MICAL3: variants seen among roughly 807,000 people sequenced by gnomAD.
The protein encoded by MICAL3 is microtubule associated monooxygenase, calponin and LIM domain containing 3, also known as [F-actin]-monooxygenase MICAL3.
Under a neutral mutation model 207.4 loss-of-function variants are expected in MICAL3, and 62 were observed. The ratio of observed to expected loss-of-function variants is 0.30; its 90% CI spans 0.24 to 0.37. MICAL3 has a LOEUF of 0.37. MICAL3 is among the 10% of genes least tolerant of loss of function. The pLI, the probability that MICAL3 is intolerant of heterozygous loss-of-function variation, is 1.00. For missense variants in MICAL3, 2,368 were observed against 2,635.6 expected (o/e 0.90, Z 2.22); for synonymous variants, 1,077 against 1,069.3 (o/e 1.01, Z -0.14).
intron 29 of MICAL3, among the ~76,000 whole-genome samples, chr22:17,794,082 G>A (rs556775825): frequency 6.6e-6 from 1 of 152,218 alleles, no homozygotes; most frequent in African/African-American, 2.4e-5. Context: ...CATCACAGAG[G>A]GGGCGGGGGG....
At chr22:17,875,445 A>G (rs1218828716) in intron 16 of MICAL3, 9 of 1,549,048 alleles carry the variant, frequency 5.8e-6, no homozygotes. Flanking sequence ...AGGCCATGCT[A>G]CCTGTCGGAG....
intron 19 of MICAL3, among the ~76,000 whole-genome samples, chr22:17,847,904 A>G (rs1924809450): frequency 6.6e-6 from 1 of 152,066 alleles, no homozygotes; most frequent in African/African-American, 2.4e-5. Context: ...GGCTCAAACG[A>G]TCCTCCCAGC....
In MICAL3 at chr22:17,895,315, T is replaced by C. The variant is rs762724874; in HGVS notation, c.1418A>G (p.Asn473Ser). The C allele has an allele frequency of 1.2e-6, 2 of 1,613,830 alleles. No individual in the cohort carries two copies. The highest frequency in any genetic ancestry group is 1.7e-6 in the Non-Finnish European group (2 of 1,179,822). Residue 473 changes from asparagine (N) to serine (S), a missense_variant, in exon 10 of 32, where the codon AAT becomes AGT. This residue lies in a region of MICAL3 where 147 missense variants were observed against 137.7 expected (regional missense o/e 1.07). Coordinates refer to ENST00000441493, the MANE Select transcript of MICAL3 (RefSeq NM_015241.3). Reference sequence around the variant, plus strand: ...TGGCCGGAGGAAGTTGACGTTGATATTGGGATACCGAGTGACAGGGTCGAT... The same window carrying C: ...TGGCCGGAGGAAGTTGACGTTGATACTGGGATACCGAGTGACAGGGTCGAT... The part of the protein sequence containing the change: ...YSIDPVTRYP[N>S]INVNFLRPSQ...
chr22:17,815,761 G>A (rs4269007), intron 27 of MICAL3: 1 of 152,320 alleles, frequency 6.6e-6, no homozygotes, highest in African/African-American at 2.4e-5. Context: ...GCGAAATAAA[G>A]CGTCTGGTTT....
chr22:17,809,144 A>C (rs115038347), intron 28 of MICAL3, among the ~76,000 whole-genome samples: 1,778 of 152,292 alleles, frequency 0.012, 32 homozygotes, highest in African/African-American at 0.041. Context: ...GGGCCTTGCT[A>C]GTTAGCATCA....
chr22:17,907,706 T>C (rs1931842979), intron 1 of MICAL3, among the ~76,000 whole-genome samples: 2 of 152,066 alleles, frequency 1.3e-5, no homozygotes, highest in Admixed American at 1.3e-4. Flanking sequence ...GAGAGAAAGA[T>C]GAGCCCTCTT....
At chr22:17,961,496 C>G (rs951554357) in intron 1 of MICAL3, among the ~76,000 whole-genome samples, 2 of 152,050 alleles carry the variant, frequency 1.3e-5, no homozygotes, top group Admixed American at 6.5e-5. Flanking sequence ...TTCCCCCCAC[C>G]CTCTCACCCC....
At position 17,798,033 on chromosome 22, in the gene MICAL3, T is replaced by A. The variant is rs401224; in HGVS notation, c.5651-6732A>T. ...GTCCAGCAGACCAAAAGAGGGCCAA[T>A]GAGGGAGACTTCTAGAGCCCAGAGG... On this transcript the variant is annotated intron_variant, in intron 29 of 31. Coordinates refer to ENST00000441493, the MANE Select transcript of MICAL3 (RefSeq NM_015241.3). Among the ~76,000 whole-genome samples, 1,449 of 152,088 alleles carry A rather than the reference T, an allele frequency of 9.5e-3. 11 individuals are homozygous for A. The highest frequency in any genetic ancestry group is 0.016 in the Non-Finnish European group (1,056 of 67,960).
intron 1 of MICAL3, among the ~76,000 whole-genome samples, chr22:17,919,841 A>G (rs1181507469): frequency 1.3e-5 from 2 of 152,240 alleles, no homozygotes; most frequent in African/African-American, 4.8e-5. Flanking sequence ...CTTTGTTTCA[A>G]TAGCCAAATA....
At chr22:17,854,838 C>T (rs2146110341) in intron 19 of MICAL3, among the ~76,000 whole-genome samples, 1 of 152,358 alleles carries the variant, frequency 6.6e-6, no homozygotes, top group African/African-American at 2.4e-5. Context: ...CACTCACTTT[C>T]TCCTGGCTGG....
At chr22:17,875,724 G>A (rs563368504) in intron 16 of MICAL3, among the ~76,000 whole-genome samples, 9 of 147,662 alleles carry the variant, frequency 6.1e-5, no homozygotes, top group Admixed American at 2.7e-4. Context: ...AAGCATAAGC[G>A]GCCCATGCAA....
intron 1 of MICAL3, among the ~76,000 whole-genome samples, chr22:17,936,642 T>C (rs1933545397): frequency 6.6e-6 from 1 of 152,140 alleles, no homozygotes; most frequent in South Asian, 2.1e-4. Flanking sequence ...GGAGATTATG[T>C]GAATATATAT....
chr22:17,870,202 G>A (rs7284335), intron 17 of MICAL3, among the ~76,000 whole-genome samples: 28,924 of 151,942 alleles, frequency 0.19, 3,095 homozygotes, highest in East Asian at 0.28. Context: ...ATCCTGTCTC[G>A]GCCTCTCACT....
chr22:17,818,869 G>C lies in MICAL3; in HGVS notation c.3792C>G (p.Pro1264=), dbSNP rs775494352. Residue 1264 remains proline (P), a synonymous_variant, in exon 26 of 32, where the codon CCC becomes CCG. Transcript: ENST00000441493. ...GGACAGTGGCCTCGGTGGAAGGCTG[G>C]GGCTGGGAGCAGATGGGGAGTGGGC... ...PPSPLPICSQ[P]QPSTEATVPS... 11 of 1,548,496 alleles carry C rather than the reference G, an allele frequency of 7.1e-6. No homozygotes were observed. The highest frequency in any genetic ancestry group is 3.5e-4 in the Middle Eastern group (2 of 5,710).
intron 1 of MICAL3, among the ~76,000 whole-genome samples, chr22:17,957,738 G>A (rs919020856): frequency 3.7e-5 from 5 of 135,334 alleles, no homozygotes; most frequent in Middle Eastern, 4.0e-3. Context: ...GAGAGAGAAA[G>A]AAAACGAGAG....
chr22:17,881,833 C>T (rs1929458427), intron 16 of MICAL3, among the ~76,000 whole-genome samples: 1 of 152,214 alleles, frequency 6.6e-6, no homozygotes, highest in Admixed American at 6.5e-5. Flanking sequence ...AGCATGATGT[C>T]AAAATTAAAT....
chr22:17,954,294 G>A (rs1934507948), intron 1 of MICAL3, among the ~76,000 whole-genome samples: 1 of 152,020 alleles, frequency 6.6e-6, no homozygotes. Flanking sequence ...GGGGGACAGA[G>A]ATCAGGTTCA....
chr22:18,001,657 CT>C (rs1923028398), intron 1 of MICAL3, among the ~76,000 whole-genome samples: 1 of 152,252 alleles, frequency 6.6e-6, no homozygotes, highest in Admixed American at 6.5e-5. Context: ...TACTTGCACG[CT>C]CAGTCTTGCC....
chr22:18,001,694 G>A (rs1923031617), intron 1 of MICAL3, among the ~76,000 whole-genome samples: 12 of 152,242 alleles, frequency 7.9e-5, no homozygotes, highest in Admixed American at 7.8e-4. Context: ...ATGTGCAAAA[G>A]GCAAAGAAAT....
Sources: gnomAD v4.1 joint callset for allele counts (sites outside exome capture counted in the v4.1 genomes callset) on GRCh38, gnomAD v4.1.1 for gene constraint, gnomAD v4.1.1 regional missense constraint, MANE v1.5 for transcripts, NCBI Gene and HGNC (gene_info 2026-07-23, HGNC 2026-07-21) for gene names.